The following GPC3 variants were observed in gnomAD, a reference collection of about 807,000 sequenced individuals.
GPC3 encodes glypican-3.
Under a neutral mutation model 34.4 loss-of-function variants are expected in GPC3, and 3 were observed. The observed-to-expected ratio is 0.09, with a 90% CI of 0.04 to 0.23. GPC3 has a LOEUF of 0.23. Ranked by LOEUF, GPC3 falls within the 10% of genes least tolerant of loss-of-function variation. GPC3 has a pLI of 1.00. For missense variants in GPC3, 351 were observed against 445.6 expected (o/e 0.79, Z 1.91); for synonymous variants, 177 against 174.0 (o/e 1.02, Z -0.13).
intron 7 of GPC3, among the ~76,000 whole-genome samples, chrX:133,590,884 A>G (rs2069840343): frequency 8.9e-6 from 1 of 112,420 alleles, no homozygotes; most frequent in African/African-American, 3.2e-5. Flanking sequence ...AAAGCCAAAG[A>G]AATGAACATA....
chrX:133,715,683 C>A (rs144607391), intron 3 of GPC3, among the ~76,000 whole-genome samples: 19 of 111,030 alleles, frequency 1.7e-4, no homozygotes, highest in African/African-American at 6.2e-4. Context: ...TTTGTAGCTG[C>A]CTGAAGCAAG....
intron 2 of GPC3, among the ~76,000 whole-genome samples, chrX:133,863,109 C>G (rs894706967): frequency 6.2e-5 from 7 of 112,388 alleles, no homozygotes; most frequent in African/African-American, 2.3e-4. Context: ...AAACAATAAG[C>G]AAAGCTGGGT....
At chrX:133,717,421 C>G (rs1395157930) in intron 3 of GPC3, among the ~76,000 whole-genome samples, 1 of 111,314 alleles carries the variant, frequency 9.0e-6, no homozygotes, top group Admixed American at 9.6e-5. Flanking sequence ...CAGCCCGGTA[C>G]CACACCCTGG....
At chrX:133,790,979 T>C (rs751135499) in intron 2 of GPC3, among the ~76,000 whole-genome samples, 1 of 111,864 alleles carries the variant, frequency 8.9e-6, no homozygotes, top group African/African-American at 3.3e-5. Flanking sequence ...CCTCAGTCTG[T>C]CCTAAGTGAC....
intron 1 of GPC3, among the ~76,000 whole-genome samples, chrX:133,967,080 A>C (rs745901674): frequency 1.7e-3 from 190 of 112,072 alleles, no homozygotes; most frequent in Non-Finnish European, 3.2e-3. Context: ...ACTTGGAGAC[A>C]CAAGAGTTCT....
chrX:133,545,380 G>T (rs1055297662), intron 7 of GPC3, among the ~76,000 whole-genome samples: 6 of 111,662 alleles, frequency 5.4e-5, no homozygotes, highest in African/African-American at 9.8e-5. Flanking sequence ...TGTGGCCATG[G>T]TGCCTGCCTG....
chrX:133,636,037 C>T (rs940336443), intron 6 of GPC3, among the ~76,000 whole-genome samples: 1 of 111,185 alleles, frequency 9.0e-6, no homozygotes, highest in Non-Finnish European at 1.9e-5. Context: ...CATATATGGT[C>T]ATTGCTTACT....
At chrX:133,859,877 C>A (rs965417217) in intron 2 of GPC3, among the ~76,000 whole-genome samples, 2 of 111,667 alleles carry the variant, frequency 1.8e-5, no homozygotes, top group Non-Finnish European at 3.8e-5. Context: ...GTATCAGCAT[C>A]GGCTTCTGCA....
At position 133,753,589 on chromosome X, in the gene GPC3, C is replaced by G. The variant is rs1383580639; in HGVS notation, c.925G>C (p.Gly309Arg). ...TCCATGTCATAGATTCTGTACATGCCATTCACAAGTTCTTCAAGGGACAGA... is the reference window on the plus strand; with the variant it reads ...TCCATGTCATAGATTCTGTACATGCGATTCACAAGTTCTTCAAGGGACAGA... ...YILSLEELVN[G>R]MYRIYDMENV... Residue 309 changes from glycine to arginine, a missense_variant, in exon 3 of 8, where the codon GGC (glycine) becomes CGC (arginine). Coordinates refer to ENST00000370818, the MANE Select transcript of GPC3 (RefSeq NM_004484.4). 8.3e-7 allele frequency: 1 copy of G among 1,206,426 alleles called. No homozygotes were observed. The highest frequency in any genetic ancestry group is 1.1e-6 in the Non-Finnish European group (1 of 890,563).
chrX:133,854,564 C>G (rs763259482), intron 2 of GPC3, among the ~76,000 whole-genome samples: 31 of 111,778 alleles, frequency 2.8e-4, no homozygotes, highest in Non-Finnish European at 5.3e-4. Context: ...ATTGTTCTGT[C>G]ACAACTGGAG....
At chrX:133,721,304 C>T (rs930209140) in intron 3 of GPC3, among the ~76,000 whole-genome samples, 4 of 108,562 alleles carry the variant, frequency 3.7e-5, no homozygotes, top group Non-Finnish European at 7.7e-5. Context: ...ACCCAAATCA[C>T]TAAAATCAGG....
chrX:133,969,755 T>C (rs2076482216), intron 1 of GPC3, among the ~76,000 whole-genome samples: 1 of 111,667 alleles, frequency 9.0e-6, no homozygotes, highest in Non-Finnish European at 1.9e-5. Flanking sequence ...TAGATATCTA[T>C]TTACCTTTAT....
chrX:133,949,566 G>GA (rs201321510), intron 2 of GPC3, among the ~76,000 whole-genome samples: 2,751 of 111,567 alleles, frequency 0.025, 43 homozygotes, highest in Middle Eastern at 0.051. Context: ...GCAACTTCCA[G>GA]AAAAAACAAG....
At chrX:133,612,769 A>G (rs2070124324) in intron 6 of GPC3, among the ~76,000 whole-genome samples, 2 of 112,504 alleles carry the variant, frequency 1.8e-5, no homozygotes, top group African/African-American at 6.5e-5. Context: ...AATTTAGCAC[A>G]GTGCCTGGGC....
intron 1 of GPC3, among the ~76,000 whole-genome samples, chrX:133,954,397 G>A (rs1015880233): frequency 8.9e-6 from 1 of 111,735 alleles, no homozygotes; most frequent in Non-Finnish European, 1.9e-5. Context: ...TTCTTGAGAC[G>A]GAGTCTCACT....
intron 1 of GPC3, among the ~76,000 whole-genome samples, chrX:133,983,387 G>A: frequency 8.9e-6 from 1 of 112,319 alleles, no homozygotes; most frequent in East Asian, 2.8e-4. Flanking sequence ...GGGAGGGAAG[G>A]AGCCCAGGCC....
chrX:133,947,828 T>A (rs2124631945), intron 2 of GPC3, among the ~76,000 whole-genome samples: 1 of 112,125 alleles, frequency 8.9e-6, no homozygotes, highest in African/African-American at 3.2e-5. Flanking sequence ...ACTTCACTCA[T>A]GGCCATGGTT....
rs1174291561 is a variant in GPC3 at position 133,699,967 on chromosome X, T to C, written c.1094A>G (p.Asp365Gly). 8.4e-7 allele frequency: 1 copy of C among 1,194,372 alleles called. No homozygotes were observed. The highest frequency in any genetic ancestry group is 1.8e-5 in the South Asian group (1 of 55,942). Reference protein sequence around the residue: ...RQYRSAYYPEDLFIDKKVLKV... With the variant: ...RQYRSAYYPEGLFIDKKVLKV... ...TAATACTTTCTTGTCAATAAAGAGA[T>C]CTTCAGGATAATAAGCAGATCTATA... Residue 365 changes from aspartate (D) to glycine (G), a missense_variant, in exon 4 of 8, where the codon GAT (aspartate) becomes GGT (glycine). Asp to Gly is a moderately conservative substitution (Grantham distance 94). Coordinates refer to ENST00000370818, the MANE Select transcript of GPC3 (RefSeq NM_004484.4).
intron 5 of GPC3, among the ~76,000 whole-genome samples, chrX:133,674,820 A>G (rs2070866813): frequency 1.8e-5 from 2 of 111,232 alleles, no homozygotes; most frequent in South Asian, 7.7e-4. Context: ...AAATGCCCAC[A>G]CGCTTTTTCA....
Sources: allele counts gnomAD v4.1 joint callset (sites outside exome capture counted in the v4.1 genomes callset), GRCh38; gene constraint gnomAD v4.1.1; transcripts MANE v1.5; gene names NCBI Gene and HGNC (gene_info 2026-07-23, HGNC 2026-07-21).